Variants in CD8B2 observed in about 807,000 individuals in gnomAD.
The protein encoded by CD8B2 is T-cell surface glycoprotein CD8 beta-2 chain.
CD8B2 carries 11 observed loss-of-function variants against 23.7 expected under a neutral mutation model. That is an observed-to-expected ratio of 0.46 (90% confidence interval 0.29 to 0.77). The LOEUF is 0.77. Among genes scored for constraint, CD8B2 ranks in the 30% least tolerant of loss-of-function variants. The pLI is 0.09. For synonymous variants in CD8B2, 90 were observed against 109.3 expected, an observed-to-expected ratio of 0.82 and a Z score of 1.10; for missense variants, 197 against 270.5, an observed-to-expected ratio of 0.73 and a Z score of 1.91.
downstream of CD8B2, among the ~76,000 whole-genome samples, chr2:106,513,292 C>T (rs989339247): frequency 4.6e-5 from 7 of 151,974 alleles, no homozygotes; most frequent in African/African-American, 7.3e-5. Flanking sequence ...CCTAACCCCA[C>T]GGGCTTTCAT....
intron 2 of CD8B2, among the ~76,000 whole-genome samples, chr2:106,494,346 C>T (rs1370369219): frequency 1.3e-5 from 2 of 152,068 alleles, no homozygotes. Flanking sequence ...CGGGGTTTTG[C>T]CACGTTGGCC....
At chr2:106,531,339 C>G (rs983722951) in intron 5 of CD8B2, among the ~76,000 whole-genome samples, 2 of 152,176 alleles carry the variant, frequency 1.3e-5, no homozygotes, top group Non-Finnish European at 2.9e-5. Context: ...CTAGGTACAC[C>G]ACTTGCTTTT....
chr2:106,499,531 CAA>C lies in CD8B2; in HGVS notation c.494-2924_494-2923del, dbSNP rs58020024. 5.7e-3 allele frequency among the ~76,000 whole-genome samples: 495 copies of C among 87,122 alleles called. 1 individual carries two copies. Among genetic ancestry groups the C allele is most frequent in the East Asian group, 0.011 (29 of 2,710 alleles). 57.2% of individuals were successfully genotyped at this position (87,122 alleles called of 152,430 possible). Reference sequence around the variant, plus strand: ...TGGGCGACAGAGCAAGACCCTGTCTCAAAAAAAAAAAAAAAAAAAACCTTAGT... The same window carrying C: ...TGGGCGACAGAGCAAGACCCTGTCTCAAAAAAAAAAAAAAAAAACCTTAGT... On this transcript the variant is annotated intron_variant, in intron 3 of 5. Transcript: ENST00000643224.
chr2:106,505,304 G>A (rs569262044), intron 5 of CD8B2, among the ~76,000 whole-genome samples: 37 of 152,264 alleles, frequency 2.4e-4, no homozygotes, highest in African/African-American at 7.7e-4. Context: ...CTAAATTGAC[G>A]AGGGCAACAG....
chr2:106,520,083 A>T (rs895492493), intron 5 of CD8B2, among the ~76,000 whole-genome samples: 2 of 152,188 alleles, frequency 1.3e-5, no homozygotes, highest in Non-Finnish European at 2.9e-5. Context: ...GACCAACTTC[A>T]GTGTGGGCTT....
At chr2:106,488,146 A>G (rs1679114936) in intron 1 of CD8B2, among the ~76,000 whole-genome samples, 1 of 151,844 alleles carries the variant, frequency 6.6e-6, no homozygotes, top group Non-Finnish European at 1.5e-5. Context: ...AAACTTGTCG[A>G]TTTGCTCTCG....
rs541876529 is a variant in CD8B2, at chr2:106,524,596, C to T, written c.621-19396C>T. ...CCCCAGTGGTCCAGTGCTGCTGCTCCGAGGACCATAGTTGGAGCAGTGAGA... is the reference window on the plus strand; with the variant it reads ...CCCCAGTGGTCCAGTGCTGCTGCTCTGAGGACCATAGTTGGAGCAGTGAGA... On this transcript the variant is annotated intron_variant, in intron 5 of 5. Transcript: ENST00000416057. Among the ~76,000 whole-genome samples the T allele has an allele frequency of 3.3e-5, 5 of 152,260 alleles. No homozygotes were observed. The East Asian group carries it at 5.8e-4, about 18-fold the overall frequency.
At chr2:106,515,104 A>T (rs1361198109), downstream of CD8B2, among the ~76,000 whole-genome samples, 1 of 152,250 alleles carries the variant, frequency 6.6e-6, no homozygotes, top group Non-Finnish European at 1.5e-5. Flanking sequence ...AGACACACCC[A>T]GGAAAAGTAC....
At position 106,491,096 on chromosome 2, in the gene CD8B2, A is replaced by G. The variant is rs1679187363; in HGVS notation, c.266A>G (p.Lys89Arg). ...CACGGTGAAGAGGTGGAACAGGAGA[A>G]GATAGCTGTGTTTCGGGATGCAAGC... ...TIHGEEVEQE[K>R]IAVFRDASRF... is the part of the protein sequence containing the mutation. Residue 89 changes from lysine to arginine, a missense_variant, in exon 2 of 6, where the codon AAG becomes AGG. By Grantham distance (26) the Lys-to-Arg change is conservative. Coordinates refer to ENST00000643224, the MANE Select transcript of CD8B2 (RefSeq NM_001349727.2). 5.0e-6 allele frequency: 8 copies of G among 1,613,830 alleles called. No homozygotes were observed. Among genetic ancestry groups the G allele is most frequent in the Admixed American group, 1.7e-5 (1 of 60,002 alleles).
At chr2:106,518,592 A>G (rs1397391105) in intron 5 of CD8B2, among the ~76,000 whole-genome samples, 1 of 152,214 alleles carries the variant, frequency 6.6e-6, no homozygotes, top group Admixed American at 6.5e-5. Flanking sequence ...ATTATTTTCT[A>G]GAAAAAATGA....
chr2:106,519,611 C>G (rs1679789846), intron 5 of CD8B2, among the ~76,000 whole-genome samples: 1 of 152,114 alleles, frequency 6.6e-6, no homozygotes, highest in Non-Finnish European at 1.5e-5. Context: ...GAACTTACAC[C>G]CCAACGCTGA....
chr2:106,493,406 C>T (rs1208565588), intron 2 of CD8B2, among the ~76,000 whole-genome samples: 1 of 152,190 alleles, frequency 6.6e-6, no homozygotes, highest in African/African-American at 2.4e-5. Flanking sequence ...GAACAGTCCC[C>T]CAACCTGAGT....
chr2:106,539,452 G>A (rs896284181), intron 5 of CD8B2, among the ~76,000 whole-genome samples: 13 of 152,168 alleles, frequency 8.5e-5, no homozygotes, highest in African/African-American at 2.7e-4. Context: ...GCCAAAACAT[G>A]GAAAGTTGAT....
At chr2:106,500,566 A>T (rs11892814) in intron 3 of CD8B2, among the ~76,000 whole-genome samples, 4,819 of 125,482 alleles carry the variant, frequency 0.038, no homozygotes, top group African/African-American at 0.093. Flanking sequence ...ATAAATAATT[A>T]AAAAATACCA....
At chr2:106,514,997 G>A (rs1457951271), downstream of CD8B2, among the ~76,000 whole-genome samples, 2 of 152,246 alleles carry the variant, frequency 1.3e-5, no homozygotes, top group Non-Finnish European at 2.9e-5. Context: ...AGGTGTTGCT[G>A]ATGCTGGAAT....
intron 2 of CD8B2, among the ~76,000 whole-genome samples, chr2:106,492,639 C>T (rs1679217108): frequency 6.6e-6 from 1 of 152,146 alleles, no homozygotes; most frequent in South Asian, 2.1e-4. Flanking sequence ...CTGGAGCCAA[C>T]CCCCTCCAGG....
chr2:106,514,606 A>G (rs985094719), downstream of CD8B2, among the ~76,000 whole-genome samples: 2 of 151,056 alleles, frequency 1.3e-5, no homozygotes, highest in Non-Finnish European at 1.5e-5. Context: ...TGTCTTATAA[A>G]TTTTTCCTAG....
downstream of CD8B2, among the ~76,000 whole-genome samples, chr2:106,511,956 C>T (rs1251795836): frequency 6.6e-6 from 1 of 152,264 alleles, no homozygotes; most frequent in Non-Finnish European, 1.5e-5. Context: ...CTCCACAGTA[C>T]TGTTGGCTCT....
chr2:106,506,135 CAAA>C (rs564708073), intron 5 of CD8B2, among the ~76,000 whole-genome samples: 1 of 140,204 alleles, frequency 7.1e-6, no homozygotes, highest in African/African-American at 2.6e-5. Flanking sequence ...AACTCTGTCT[CAAA>C]AAAAAAAAAA....
Sources: gnomAD v4.1 joint callset for allele counts (sites outside exome capture counted in the v4.1 genomes callset) on GRCh38, gnomAD v4.1.1 for gene constraint, MANE v1.5 for transcripts, NCBI Gene and HGNC (gene_info 2026-07-23, HGNC 2026-07-21) for gene names.